Variants in MNAT1 observed in about 807,000 individuals in gnomAD.
The protein encoded by MNAT1 is CDK-activating kinase assembly factor MAT1.
MNAT1 carries 43 observed loss-of-function variants against 42.0 expected under a neutral mutation model. That is an observed-to-expected ratio of 1.02 (90% CI 0.80 to 1.32). The LOEUF is 1.32. MNAT1 is among the 40% of genes most tolerant of loss of function. The pLI is 0.00. For missense variants in MNAT1, 306 were observed against 350.4 expected (o/e 0.87, Z 1.01); for synonymous variants, 118 against 120.0 (o/e 0.98, Z 0.11).
At position 60,779,861 on chromosome 14, in the gene MNAT1, G is replaced by T. The variant is rs190722625; in HGVS notation, c.90-16356G>T. The T allele has an allele frequency of 1.7e-4, 106 of 639,008 alleles. 1 individual carries two copies. The East Asian group carries it at 2.7e-3, about 17-fold the overall frequency. 39.6% of individuals were successfully genotyped at this position (639,008 alleles called of 1,614,324 possible). ...GTGAACTTACTCTAAGAAGCAAGTG[G>T]ATGGTCTTTACTTTTGAAACTCTTG... On this transcript the variant is annotated intron_variant, in intron 1 of 7. Transcript: ENST00000261245.
chr14:60,894,773 A>AAGT (rs1391544721), intron 7 of MNAT1, among the ~76,000 whole-genome samples: 17 of 152,226 alleles, frequency 1.1e-4, no homozygotes, highest in South Asian at 6.2e-4. Flanking sequence ...AAGATCCTAG[A>AAGT]AGTAGACTTT....
intron 6 of MNAT1, among the ~76,000 whole-genome samples, chr14:60,862,989 A>G (rs2034130432): frequency 6.6e-6 from 1 of 152,118 alleles, no homozygotes; most frequent in African/African-American, 2.4e-5. Context: ...TAATAAAAAT[A>G]TGGGTGTAAT....
chr14:60,929,168 A>ATATAT (rs57837834), intron 7 of MNAT1, among the ~76,000 whole-genome samples: 17 of 86,134 alleles, frequency 2.0e-4, no homozygotes, highest in African/African-American at 5.2e-4. Context: ...AAAAAAAAAA[A>ATATAT]AAATATATAT....
chr14:60,944,983 G>A (rs1378714690), intron 7 of MNAT1, among the ~76,000 whole-genome samples: 3 of 152,098 alleles, frequency 2.0e-5, no homozygotes, highest in Non-Finnish European at 4.4e-5. Flanking sequence ...GATTATAGCA[G>A]TTTCCCAAAG....
intron 7 of MNAT1, among the ~76,000 whole-genome samples, chr14:60,897,292 G>A (rs757997149): frequency 1.2e-4 from 18 of 151,840 alleles, no homozygotes; most frequent in Non-Finnish European, 2.4e-4. Flanking sequence ...TAAGAGTTAC[G>A]GTTTTATTAA....
At chr14:60,742,370 C>T (rs928163340) in intron 1 of MNAT1, among the ~76,000 whole-genome samples, 5 of 152,062 alleles carry the variant, frequency 3.3e-5, no homozygotes, top group African/African-American at 1.2e-4. Flanking sequence ...TTACAGTCAC[C>T]TTTTATGGCC....
intron 7 of MNAT1, among the ~76,000 whole-genome samples, chr14:60,894,759 T>G (rs2034917624): frequency 1.3e-5 from 2 of 152,158 alleles, no homozygotes; most frequent in Non-Finnish European, 2.9e-5. Context: ...ATACAATTAG[T>G]TCCAAGATCC....
At chr14:60,766,344 C>CAA (rs756705275) in intron 1 of MNAT1, among the ~76,000 whole-genome samples, 1 of 108,510 alleles carries the variant, frequency 9.2e-6, no homozygotes, top group African/African-American at 3.4e-5. Flanking sequence ...GAGACTCTGT[C>CAA]AAAAAAAAAA....
At chr14:60,865,047 C>T (rs1449450245) in intron 6 of MNAT1, among the ~76,000 whole-genome samples, 1 of 151,994 alleles carries the variant, frequency 6.6e-6, no homozygotes, top group African/African-American at 2.4e-5. Flanking sequence ...CATTTTAAAA[C>T]ATTTCTTCAT....
At chr14:60,949,413 A>T (rs1178635307) in intron 7 of MNAT1, among the ~76,000 whole-genome samples, 3 of 152,186 alleles carry the variant, frequency 2.0e-5, no homozygotes, top group Non-Finnish European at 4.4e-5. Flanking sequence ...AGAAGTCTAC[A>T]TTTTTAACGA....
At position 60,918,410 on chromosome 14, in the gene MNAT1, G is replaced by A. The variant is rs180744123; in HGVS notation, c.809+38575G>A. Among the ~76,000 whole-genome samples the A allele has an allele frequency of 3.6e-3, 540 of 150,660 alleles. 1 individual carries two copies. The highest frequency in any genetic ancestry group is 0.012 in the African/African-American group (500 of 41,168). ...TTTTTAGTAGAGACGGGGTTTCACC[G>A]TTTTAGCCAGGTTGGTCTCGATCTC... On this transcript the variant is annotated intron_variant, in intron 7 of 7. Transcript: ENST00000261245.
At chr14:60,806,649 G>A (rs140798843) in intron 3 of MNAT1, among the ~76,000 whole-genome samples, 10 of 152,276 alleles carry the variant, frequency 6.6e-5, no homozygotes, top group African/African-American at 2.4e-4. Flanking sequence ...GGCCAACATG[G>A]TGAAGCCCTG....
At chr14:60,751,408 A>C (rs181542190) in intron 1 of MNAT1, among the ~76,000 whole-genome samples, 3 of 152,144 alleles carry the variant, frequency 2.0e-5, no homozygotes, top group African/African-American at 7.2e-5. Context: ...TTACGATAAA[A>C]AGCATCTTTG....
chr14:60,772,987 G>T (rs181986463), intron 1 of MNAT1, among the ~76,000 whole-genome samples: 35 of 151,640 alleles, frequency 2.3e-4, no homozygotes, highest in African/African-American at 8.5e-4. Flanking sequence ...GGGTTGGAGT[G>T]CAGTGGCGTG....
chr14:60,780,243 C>G, intron 1 of MNAT1: 1 of 1,440,008 alleles, frequency 6.9e-7, no homozygotes. Context: ...GTAGTTATCT[C>G]AAATATTGAA....
intron 7 of MNAT1, among the ~76,000 whole-genome samples, chr14:60,918,198 CTTTTTT>C (rs386381525): frequency 4.1e-5 from 2 of 48,598 alleles, no homozygotes; most frequent in East Asian, 1.8e-3. Flanking sequence ...ATTAATTGTT[CTTTTTT>C]TTTTTTTTTT....
chr14:60,966,753 A>G (rs2036690212), intron 7 of MNAT1, among the ~76,000 whole-genome samples: 1 of 152,180 alleles, frequency 6.6e-6, no homozygotes, highest in South Asian at 2.1e-4. Flanking sequence ...ACTTCAGATG[A>G]TCCGCCCACC....
chr14:60,925,749 G>A (rs2035752743), intron 7 of MNAT1, among the ~76,000 whole-genome samples: 1 of 152,038 alleles, frequency 6.6e-6, no homozygotes, highest in Non-Finnish European at 1.5e-5. Context: ...AATAATTAAT[G>A]TTTTTGTTGG....
chr14:60,878,263 A>G (rs1267856303), intron 6 of MNAT1, among the ~76,000 whole-genome samples: 2 of 152,136 alleles, frequency 1.3e-5, no homozygotes, highest in Admixed American at 1.3e-4. Flanking sequence ...TTTGTAAGCA[A>G]TGATACCAGG....
Sources: allele counts gnomAD v4.1 joint callset (sites outside exome capture counted in the v4.1 genomes callset), GRCh38; gene constraint gnomAD v4.1.1; transcripts MANE v1.5; gene names NCBI Gene and HGNC (gene_info 2026-07-23, HGNC 2026-07-21).